Variants in LAMP2 observed in about 807,000 individuals in gnomAD.
LAMP2 encodes the protein lysosome associated membrane protein 2.
Under a neutral mutation model 25.6 loss-of-function variants are expected in LAMP2, and 4 were observed. The ratio of observed to expected loss-of-function variants is 0.16; its 90% CI spans 0.08 to 0.36. The LOEUF is 0.36. Among genes scored for constraint, LAMP2 ranks in the 10% least tolerant of loss-of-function variants. The pLI is 1.00. For synonymous variants in LAMP2, 108 were observed against 112.7 expected, an observed-to-expected ratio of 0.96 and a Z score of 0.27; for missense variants, 272 against 301.4, an observed-to-expected ratio of 0.90 and a Z score of 0.72.
rs2058515035 is a variant in LAMP2 at position 120,429,717 on chromosome X, G to C, written c.*1606C>G. Reference sequence around the variant, plus strand: ...GTAAACCAGCTGTTGTTTTACTGTTGAGTGACTAGATTTCATTAGGGGCAA... The same window carrying C: ...GTAAACCAGCTGTTGTTTTACTGTTCAGTGACTAGATTTCATTAGGGGCAA... On this transcript the variant is annotated 3_prime_UTR_variant, in exon 9 of 9. Transcript: ENST00000200639. The C allele has an allele frequency of 1.3e-6, 1 of 753,176 alleles. No homozygotes were observed. The highest frequency in any genetic ancestry group is 2.3e-5 in the African/African-American group (1 of 43,581). The allele number at this position is 753,176 out of a possible 1,213,427, so 62.1% of individuals were successfully genotyped here.
At chrX:120,436,576 C>T (rs745499517) in intron 8 of LAMP2, 62 of 738,128 alleles carry the variant, frequency 8.4e-5, no homozygotes, top group Non-Finnish European at 9.0e-5. Flanking sequence ...AGATACCATA[C>T]ATCAACTAGT....
Position 120,431,274 on chromosome X carries a change from A to T in LAMP2, c.*49T>A, listed in dbSNP as rs1439372411. 1 of 1,205,458 alleles carries T rather than the reference A, an allele frequency of 8.3e-7. No individual in the cohort carries two copies. Among genetic ancestry groups the T allele is most frequent in the Non-Finnish European group, 1.1e-6 (1 of 891,198 alleles). ...TGTTTCAACAACTGAGAGGTAAGAA[A>T]ATCTTGTTATTTGCATGTATTTTTA... On this transcript the variant is annotated 3_prime_UTR_variant, in exon 9 of 9. Transcript: ENST00000200639.
At chrX:120,466,843 T>C (rs1177455972) in intron 1 of LAMP2, among the ~76,000 whole-genome samples, 10 of 104,438 alleles carry the variant, frequency 9.6e-5, no homozygotes, top group Non-Finnish European at 2.0e-5. Flanking sequence ...ATAACTTCTT[T>C]TTTTTTTTTT....
rs374381929 is a variant in LAMP2, at chrX:120,446,617, T to TA, written c.742-191dup. Among the ~76,000 whole-genome samples the TA allele has an allele frequency of 0.07, 7,162 of 102,904 alleles. 618 individuals are homozygous for TA. The highest frequency in any genetic ancestry group is 0.23 in the African/African-American group (6,606 of 28,413). 89.4% of individuals were successfully genotyped at this position (102,904 alleles called of 115,157 possible). On this transcript the variant is annotated intron_variant, in intron 5 of 8. Coordinates refer to ENST00000200639, the MANE Select transcript of LAMP2 (RefSeq NM_002294.3). ...TCCTCAAGCTATGACTCAGACAACTTAAAAAAAAAAACAAGAGGGAAGCTT... is the reference window on the plus strand; with the variant it reads ...TCCTCAAGCTATGACTCAGACAACTTAAAAAAAAAAAACAAGAGGGAAGCTT...
At chrX:120,455,258 G>T in intron 3 of LAMP2, 99 bp downstream of exon 3, 1 of 721,692 alleles carries the variant, frequency 1.4e-6, no homozygotes, top group Non-Finnish European at 2.1e-6. Context: ...TTCCATGCTA[G>T]TTAGGAAGAC....
At chrX:120,446,203 T>C in intron 6 of LAMP2, 102 bp downstream of exon 6, 1 of 759,642 alleles carries the variant, frequency 1.3e-6, no homozygotes, top group South Asian at 2.1e-5. Context: ...ACTGTAGAAC[T>C]GGAAAATAAA....
chrX:120,469,276 C>CG lies in LAMP2; in HGVS notation c.-108dup. The CG allele has an allele frequency of 1.3e-6, 1 of 778,555 alleles. No individual in the cohort carries two copies. The highest frequency in any genetic ancestry group is 1.9e-6 in the Non-Finnish European group (1 of 515,799). 64.2% of individuals were successfully genotyped at this position (778,555 alleles called of 1,213,427 possible). On this transcript the variant is annotated 5_prime_UTR_variant, in exon 1 of 9. Transcript: ENST00000200639. ...CTGGGTCAAGAGCACTGATGACCAC[C>CG]GACCACAGCCTTGCAAAAGCCAGGA...
rs2058521135 is a variant in LAMP2 at position 120,431,124 on chromosome X, T to C, written c.*199A>G. On this transcript the variant is annotated 3_prime_UTR_variant, in exon 9 of 9. Transcript: ENST00000200639. The stretch of plus-strand genomic sequence containing the variant: ...TGAACAAGTTTGTCTCCAGGACCAG[T>C]AAATATGACACTTTGGATTTTAAGC... 10 of 1,061,864 alleles carry C rather than the reference T, an allele frequency of 9.4e-6. No individual in the cohort carries two copies. The highest frequency in any genetic ancestry group is 1.9e-5 in the African/African-American group (1 of 52,807). 87.5% of individuals were successfully genotyped at this position (1,061,864 alleles called of 1,213,427 possible).
chrX:120,427,514 C>T lies in LAMP2; in HGVS notation c.*3809G>A, dbSNP rs2058503276. Among the ~76,000 whole-genome samples, 1 of 111,802 alleles carries T rather than the reference C, an allele frequency of 8.9e-6. No homozygotes were observed. The highest frequency in any genetic ancestry group is 9.5e-5 in the Admixed American group (1 of 10,485). On this transcript the variant is annotated 3_prime_UTR_variant, in exon 9 of 9. Coordinates refer to ENST00000200639, the MANE Select transcript of LAMP2 (RefSeq NM_002294.3). ...GGCAGGCATCTGACTGATGACATAT[C>T]AGGGCCCACTAACCTCTAGAGTAAG...
intron 7 of LAMP2, 103 bp downstream of exon 7, chrX:120,442,496 T>C: frequency 1.5e-6 from 1 of 675,235 alleles, no homozygotes; most frequent in South Asian, 2.1e-5. Context: ...CATAGCATCT[T>C]CTGTTTCATT....
Position 120,429,741 on chromosome X carries a change from A to G in LAMP2, c.*1582T>C. ...TGAGTGACTAGATTTCATTAGGGGC[A>G]ATTTTTATCAAAATGCTAGTAATAG... On this transcript the variant is annotated 3_prime_UTR_variant, in exon 9 of 9. Coordinates refer to ENST00000200639, the MANE Select transcript of LAMP2 (RefSeq NM_002294.3). 1 of 754,025 alleles carries G rather than the reference A, an allele frequency of 1.3e-6. No homozygotes were observed. Among genetic ancestry groups the G allele is most frequent in the Non-Finnish European group, 1.6e-6 (1 of 639,173 alleles). The allele number at this position is 754,025 out of a possible 1,213,427, so 62.1% of individuals were successfully genotyped here.
At position 120,429,860 on chromosome X, in the gene LAMP2, T is replaced by C. The variant is rs2058515583; in HGVS notation, c.*1463A>G. On this transcript the variant is annotated 3_prime_UTR_variant, in exon 9 of 9. Transcript: ENST00000200639. Reference sequence around the variant, plus strand: ...CCTTTCCAGTAATAGCTAATGAAATTAACAAAATGTGTTATCTGGTGTGAT... The same window carrying C: ...CCTTTCCAGTAATAGCTAATGAAATCAACAAAATGTGTTATCTGGTGTGAT... 1 of 751,529 alleles carries C rather than the reference T, an allele frequency of 1.3e-6. No individual in the cohort carries two copies. Among genetic ancestry groups the C allele is most frequent in the African/African-American group, 2.3e-5 (1 of 43,234 alleles). The allele number at this position is 751,529 out of a possible 1,213,427, so 61.9% of individuals were successfully genotyped here. A position where few individuals can be genotyped will look rare whatever the true frequency, so the allele number is the denominator to read the frequency against.
intron 1 of LAMP2, among the ~76,000 whole-genome samples, chrX:120,461,867 T>C (rs1267793312): frequency 8.9e-6 from 1 of 112,433 alleles, no homozygotes; most frequent in Non-Finnish European, 1.9e-5. Context: ...ATCAGTCTTC[T>C]GGATATTCCC....
rs750004511 is a variant in LAMP2 at position 120,428,083 on chromosome X, T to C, written c.*3240A>G. 6.1e-5 allele frequency: 7 copies of C among 114,403 alleles called. No homozygotes were observed. The highest frequency in any genetic ancestry group is 1.9e-4 in the Admixed American group (2 of 10,631). 9.4% of individuals were successfully genotyped at this position (114,403 alleles called of 1,213,427 possible). A position where few individuals can be genotyped will look rare whatever the true frequency, so the allele number is the denominator to read the frequency against. On this transcript the variant is annotated 3_prime_UTR_variant, in exon 9 of 9. Coordinates refer to ENST00000200639, the MANE Select transcript of LAMP2 (RefSeq NM_002294.3). ...CAATGAAAATGAATCCACTATGTTCTTGAATTTATTTCCTGAAGCAAGTTA... is the reference window on the plus strand; with the variant it reads ...CAATGAAAATGAATCCACTATGTTCCTGAATTTATTTCCTGAAGCAAGTTA...
intron 1 of LAMP2, among the ~76,000 whole-genome samples, chrX:120,463,216 G>A (rs1921392488): frequency 8.9e-6 from 1 of 112,100 alleles, no homozygotes; most frequent in Non-Finnish European, 1.9e-5. Flanking sequence ...TACACTCATT[G>A]CATTCAGTTA....
chrX:120,439,605 GTA>G (rs1311480219), intron 8 of LAMP2, among the ~76,000 whole-genome samples: 3 of 108,717 alleles, frequency 2.8e-5, no homozygotes, highest in Non-Finnish European at 5.7e-5. Flanking sequence ...TATGCACATT[GTA>G]TATGTGTGCA....
intron 1 of LAMP2, among the ~76,000 whole-genome samples, chrX:120,466,402 T>G (rs1921531478): frequency 8.9e-6 from 1 of 112,187 alleles, no homozygotes; most frequent in African/African-American, 3.2e-5. Flanking sequence ...ACAGATGCCT[T>G]GGTCAGATGT....
At chrX:120,467,919 C>A (rs1266892869) in intron 1 of LAMP2, among the ~76,000 whole-genome samples, 3 of 111,307 alleles carry the variant, frequency 2.7e-5, no homozygotes, top group Non-Finnish European at 3.8e-5. Flanking sequence ...TGTGCCACGA[C>A]GCCCGGCTAA....
chrX:120,434,153 G>A lies in LAMP2; in HGVS notation c.1094-2691C>T, dbSNP rs184217639. ...GACATGTACCATAAAGTATTATGCC[G>A]TGGGTTTAATATAACTTGGTTTTTT... On this transcript the variant is annotated intron_variant, in intron 8 of 8. Coordinates refer to ENST00000200639, the MANE Select transcript of LAMP2 (RefSeq NM_002294.3). 5.3e-3 allele frequency among the ~76,000 whole-genome samples: 595 copies of A among 111,932 alleles called. 2 individuals are homozygous for A. Among genetic ancestry groups the A allele is most frequent in the Non-Finnish European group, 8.5e-3 (453 of 53,193 alleles).
Sources: allele counts gnomAD v4.1 joint callset (sites outside exome capture counted in the v4.1 genomes callset), GRCh38; gene constraint gnomAD v4.1.1; transcripts MANE v1.5; gene names NCBI Gene and HGNC (gene_info 2026-07-23, HGNC 2026-07-21).